ARHGAP32: variants seen among roughly 807,000 people sequenced by gnomAD.
ARHGAP32 encodes the protein rho GTPase-activating protein 32.
In ARHGAP32, 51 loss-of-function variants were observed where a neutral mutation model predicts 186.5. That is an observed-to-expected ratio of 0.27 (90% confidence interval 0.22 to 0.35). The LOEUF (loss-of-function observed/expected upper bound fraction) is 0.35. Ranked by LOEUF, ARHGAP32 falls within the 10% of genes least tolerant of loss-of-function variation. The pLI is 1.00. For synonymous variants in ARHGAP32, 950 were observed against 964.3 expected (o/e 0.99, Z 0.27); for missense variants, 2,186 against 2,623.5 (o/e 0.83, Z 3.64).
chr11:129,211,678 C>CT (rs1444061461), intron 1 of ARHGAP32, among the ~76,000 whole-genome samples: 1 of 152,178 alleles, frequency 6.6e-6, no homozygotes, highest in East Asian at 1.9e-4. Flanking sequence ...TCACACAGAC[C>CT]TCCTGGATTT....
chr11:129,051,621 A>C (rs1324032956), intron 10 of ARHGAP32, among the ~76,000 whole-genome samples: 1 of 152,114 alleles, frequency 6.6e-6, no homozygotes, highest in East Asian at 1.9e-4. Flanking sequence ...GTTTTCTCCT[A>C]TGTTTTCTTC....
intron 1 of ARHGAP32, among the ~76,000 whole-genome samples, chr11:129,265,365 A>G (rs746978178): frequency 6.6e-6 from 1 of 152,256 alleles, no homozygotes. Flanking sequence ...GTTGGGAGAG[A>G]AGAGAGAGAG....
intron 15 of ARHGAP32, among the ~76,000 whole-genome samples, chr11:128,983,633 T>TA (rs1393310558): frequency 6.6e-6 from 1 of 150,452 alleles, no homozygotes; most frequent in Non-Finnish European, 1.5e-5. Context: ...CCCTAAAACT[T>TA]AAAGTATAAT....
At chr11:129,156,312 C>G (rs1039222284) in intron 2 of ARHGAP32, among the ~76,000 whole-genome samples, 1 of 152,230 alleles carries the variant, frequency 6.6e-6, no homozygotes, top group African/African-American at 2.4e-5. Context: ...ATCCCACCCC[C>G]AAGGAGCCCA....
chr11:129,274,988 A>C (rs1945514743), intron 1 of ARHGAP32, among the ~76,000 whole-genome samples: 1 of 152,146 alleles, frequency 6.6e-6, no homozygotes, highest in African/African-American at 2.4e-5. Context: ...CATTATCGGG[A>C]AATTATCAAG....
At chr11:129,219,542 A>C (rs1944687182) in intron 1 of ARHGAP32, among the ~76,000 whole-genome samples, 1 of 152,198 alleles carries the variant, frequency 6.6e-6, no homozygotes, top group Non-Finnish European at 1.5e-5. Flanking sequence ...ACAAGAGTAG[A>C]GAACTAAAGT....
intron 15 of ARHGAP32, among the ~76,000 whole-genome samples, chr11:128,983,031 G>A (rs1382462052): frequency 6.6e-6 from 1 of 151,936 alleles, no homozygotes; most frequent in African/African-American, 2.4e-5. Context: ...ACATGAATTT[G>A]AGAGGAAAAG....
chr11:129,169,380 C>G (rs958178708), intron 1 of ARHGAP32, among the ~76,000 whole-genome samples: 27 of 151,868 alleles, frequency 1.8e-4, no homozygotes, highest in African/African-American at 6.5e-4. Flanking sequence ...GGCTGTAATC[C>G]CAGCACTTTG....
intron 1 of ARHGAP32, among the ~76,000 whole-genome samples, chr11:129,269,248 G>A (rs1945444439): frequency 6.6e-6 from 1 of 152,062 alleles, no homozygotes; most frequent in African/African-American, 2.4e-5. Flanking sequence ...TCCAGCCTGG[G>A]TGACAAAATG....
intron 1 of ARHGAP32, among the ~76,000 whole-genome samples, chr11:129,203,936 T>C (rs1944486816): frequency 6.8e-6 from 1 of 147,882 alleles, no homozygotes. Context: ...TACATAATTA[T>C]ATATAATTTT....
chr11:129,191,274 T>A (rs1944264130), intron 1 of ARHGAP32, among the ~76,000 whole-genome samples: 1 of 152,178 alleles, frequency 6.6e-6, no homozygotes, highest in African/African-American at 2.4e-5. Context: ...AACTTCAAAC[T>A]TCATCAAGAG....
chr11:128,973,481 T>A, intron 21 of ARHGAP32, 49 bp from the exon 22 acceptor site: 1 of 1,587,112 alleles, frequency 6.3e-7, no homozygotes, highest in Non-Finnish European at 8.6e-7. Context: ...TAGCTTACGT[T>A]ATCCTAAATG....
At chr11:129,039,055 A>T (rs941448837) in intron 11 of ARHGAP32, among the ~76,000 whole-genome samples, 1 of 152,194 alleles carries the variant, frequency 6.6e-6, no homozygotes, top group African/African-American at 2.4e-5. Flanking sequence ...CTACTTCACA[A>T]TTAAGAAGGC....
At chr11:129,204,653 C>T (rs1012429757) in intron 1 of ARHGAP32, among the ~76,000 whole-genome samples, 1 of 152,190 alleles carries the variant, frequency 6.6e-6, no homozygotes, top group African/African-American at 2.4e-5. Flanking sequence ...ATTCTGACTG[C>T]TCCTCTGCTA....
chr11:129,043,971 G>T (rs867749624), intron 10 of ARHGAP32, among the ~76,000 whole-genome samples: 5 of 152,136 alleles, frequency 3.3e-5, no homozygotes, highest in Middle Eastern at 6.9e-3. Flanking sequence ...CAATAAAGTG[G>T]AAACTCATTG....
At chr11:129,090,301 G>A (rs1941536897) in intron 6 of ARHGAP32, among the ~76,000 whole-genome samples, 1 of 152,158 alleles carries the variant, frequency 6.6e-6, no homozygotes, top group South Asian at 2.1e-4. Context: ...GAACATTAGA[G>A]CACAGGAGAT....
intron 22 of ARHGAP32, chr11:128,972,171 C>T (rs1418933973): frequency 4.7e-6 from 1 of 212,802 alleles, no homozygotes; most frequent in Non-Finnish European, 9.3e-6. Flanking sequence ...TGATCCTGAT[C>T]TCTTTGTGTT....
At chr11:129,223,824 T>C (rs766105391) in intron 1 of ARHGAP32, among the ~76,000 whole-genome samples, 5 of 152,286 alleles carry the variant, frequency 3.3e-5, no homozygotes, top group South Asian at 4.1e-4. Flanking sequence ...ATGAATAATG[T>C]CTATGATACT....
intron 10 of ARHGAP32, among the ~76,000 whole-genome samples, chr11:129,042,118 G>A (rs996553525): frequency 7.9e-5 from 12 of 152,122 alleles, no homozygotes; most frequent in Non-Finnish European, 1.3e-4. Context: ...CAGTTATCAT[G>A]AGCTGAAAAG....
Sources: allele counts gnomAD v4.1 joint callset (sites outside exome capture counted in the v4.1 genomes callset), GRCh38; gene constraint gnomAD v4.1.1; transcripts MANE v1.5; gene names NCBI Gene and HGNC (gene_info 2026-07-23, HGNC 2026-07-21).